The following ZBTB18 variants were observed in gnomAD, a reference collection of about 807,000 sequenced individuals.
ZBTB18 encodes zinc finger and BTB domain containing 18, also known as zinc finger and BTB domain-containing protein 18.
ZBTB18 carries 2 observed loss-of-function variants against 37.7 expected under a neutral mutation model. The observed-to-expected ratio is 0.05, with a 90% CI of 0.02 to 0.17. The LOEUF (loss-of-function observed/expected upper bound fraction) is 0.17. Ranked by LOEUF, ZBTB18 falls within the 10% of genes least tolerant of loss-of-function variation. ZBTB18 has a pLI of 1.00. For missense variants in ZBTB18, 408 were observed against 686.3 expected (o/e 0.59, Z 4.53); for synonymous variants, 304 against 276.5 (o/e 1.10, Z -0.99).
rs1020601273 is a variant in ZBTB18 at position 244,053,572 on chromosome 1, C to T, written c.14-216C>T. ...GGAAGATGGAGATGCGTCGGAAGCTCTTTGGCGGGGGTGAGGAAGTTCAGA... is the reference window on the plus strand; with the variant it reads ...GGAAGATGGAGATGCGTCGGAAGCTTTTTGGCGGGGGTGAGGAAGTTCAGA... On this transcript the variant is annotated intron_variant, in intron 1 of 1. Coordinates refer to ENST00000358704, the MANE Select transcript of ZBTB18 (RefSeq NM_205768.3). This position sits in a 1 kb window ranked among gnomAD's most constrained non-coding sequence, Gnocchi z 5.2. 5 of 257,890 alleles carry T rather than the reference C, an allele frequency of 1.9e-5. No homozygotes were observed. Among genetic ancestry groups the T allele is most frequent in the Non-Finnish European group, 3.0e-5 (5 of 164,934 alleles). The allele number at this position is 257,890 out of a possible 1,614,324, so 16.0% of individuals were successfully genotyped here.
At position 244,056,851 on chromosome 1, in the gene ZBTB18, A is replaced by G. The variant is rs2148559492; in HGVS notation, c.*1481A>G. 6.0e-6 allele frequency: 1 copy of G among 167,248 alleles called. No individual in the cohort carries two copies. The highest frequency in any genetic ancestry group is 2.4e-5 in the African/African-American group (1 of 41,574). 10.4% of individuals were successfully genotyped at this position (167,248 alleles called of 1,614,324 possible). On this transcript the variant is annotated 3_prime_UTR_variant, in exon 2 of 2. Transcript: ENST00000358704. Reference sequence around the variant, plus strand: ...AGCACGCAAGGCAAAAGCATTTTGCACAGTGTTTGTTTTCCTGTCTTGCAC... The same window carrying G: ...AGCACGCAAGGCAAAAGCATTTTGCGCAGTGTTTGTTTTCCTGTCTTGCAC...
In ZBTB18 at chr1:244,056,016, G is replaced by C. The variant is rs1312054290; in HGVS notation, c.*646G>C. ...GCTTGGGATGAAAAAGGATATTGCA[G>C]CTTCAGCAGTGTTGAACTGTGTGTT... On this transcript the variant is annotated 3_prime_UTR_variant, in exon 2 of 2. Coordinates refer to ENST00000358704, the MANE Select transcript of ZBTB18 (RefSeq NM_205768.3). 1 of 167,056 alleles carries C rather than the reference G, an allele frequency of 6.0e-6. No homozygotes were observed. The highest frequency in any genetic ancestry group is 1.5e-5 in the Non-Finnish European group (1 of 68,116). 10.3% of individuals were successfully genotyped at this position (167,056 alleles called of 1,614,324 possible). A position where few individuals can be genotyped will look rare whatever the true frequency, so the allele number is the denominator to read the frequency against.
chr1:244,057,181 A>G lies in ZBTB18; in HGVS notation c.*1811A>G, dbSNP rs1698491717. The G allele has an allele frequency of 1.2e-5, 2 of 167,090 alleles. No individual in the cohort carries two copies. The highest frequency in any genetic ancestry group is 2.9e-5 in the Non-Finnish European group (2 of 68,120). 10.4% of individuals were successfully genotyped at this position (167,090 alleles called of 1,614,324 possible). On this transcript the variant is annotated 3_prime_UTR_variant, in exon 2 of 2. Transcript: ENST00000358704. ...AGAGTTTCTAGTTTTTTTAAAATAC[A>G]GTTTATGTTAAAATAATTTTTATTA...
In ZBTB18 at chr1:244,053,930, T is replaced by C. The variant is rs1698401232; in HGVS notation, c.156T>C (p.Ala52=). Residue 52 remains alanine (A), a synonymous_variant, in exon 2 of 2, where the codon GCT becomes GCC. Coordinates refer to ENST00000358704, the MANE Select transcript of ZBTB18 (RefSeq NM_205768.3). This position sits in a 1 kb window ranked among gnomAD's most constrained non-coding sequence, Gnocchi z 5.2. ...AQFRAHRAVL[A]SCSMYFHLFY... is the part of the protein sequence containing the mutation. ...TCCGAGCGCACCGAGCTGTACTGGC[T>C]TCATGCAGCATGTATTTCCACCTCT... The C allele has an allele frequency of 1.2e-6, 2 of 1,614,194 alleles. No individual in the cohort carries two copies. The highest frequency in any genetic ancestry group is 4.5e-5 in the East Asian group (2 of 44,876).
At position 244,054,470 on chromosome 1, in the gene ZBTB18, C is replaced by G; in HGVS notation, c.696C>G (p.Ser232=). The G allele has an allele frequency of 6.2e-7, 1 of 1,614,172 alleles. No individual in the cohort carries two copies. Among genetic ancestry groups the G allele is most frequent in the Non-Finnish European group, 8.5e-7 (1 of 1,180,034 alleles). ...ASPCSSTESL[S]QRSVTSVRDS... ...CCTGCAGCTCAACAGAGTCTTTGTCCCAGAGGTCTGTCACCTCCGTGAGGG... is the reference window on the plus strand; with the variant it reads ...CCTGCAGCTCAACAGAGTCTTTGTCGCAGAGGTCTGTCACCTCCGTGAGGG... Residue 232 remains serine (S), a synonymous_variant, in exon 2 of 2, where the codon TCC becomes TCG. Coordinates refer to ENST00000358704, the MANE Select transcript of ZBTB18 (RefSeq NM_205768.3). The surrounding 1 kb of genome is among the most constrained non-coding windows in gnomAD (Gnocchi z 9.0).
upstream of ZBTB18, among the ~76,000 whole-genome samples, chr1:244,049,531 A>G (rs1698307005): frequency 1.3e-5 from 2 of 151,792 alleles, no homozygotes; most frequent in Non-Finnish European, 2.9e-5. Flanking sequence ...GCGTCGCGGC[A>G]TCGGGGAAGC....
chr1:244,053,671 A>G lies in ZBTB18; in HGVS notation c.14-117A>G. On this transcript the variant is annotated intron_variant, in intron 1 of 1. Transcript: ENST00000358704. The surrounding 1 kb of genome is among the most constrained non-coding windows in gnomAD (Gnocchi z 5.2). ...TGGTGCTTGGGTCATAAGCCTGATT[A>G]AAATTCAGGGACATGTACCACGGCG... 6.9e-7 allele frequency: 1 copy of G among 1,439,638 alleles called. No individual in the cohort carries two copies. Among genetic ancestry groups the G allele is most frequent in the Non-Finnish European group, 9.3e-7 (1 of 1,078,978 alleles). The allele number at this position is 1,439,638 out of a possible 1,614,324, so 89.2% of individuals were successfully genotyped here.
chr1:244,048,904 CCGG>C (rs1175131969), upstream of ZBTB18: 165 of 160,268 alleles, frequency 1.0e-3, no homozygotes, highest in Middle Eastern at 3.1e-3. Context: ...CCCACCAAGT[CCGG>C]CGGCGGCGGC....
upstream of ZBTB18, among the ~76,000 whole-genome samples, chr1:244,051,126 TCTC>T (rs749661973): frequency 1.9e-4 from 29 of 152,286 alleles, 1 homozygote; most frequent in Middle Eastern, 6.8e-3. Flanking sequence ...AGAGAAAAGT[TCTC>T]CTAAGAAAAA....
At chr1:244,050,344 G>GTTCTAAA (rs1698322193), upstream of ZBTB18, among the ~76,000 whole-genome samples, 1 of 151,890 alleles carries the variant, frequency 6.6e-6, no homozygotes, top group African/African-American at 2.4e-5. Flanking sequence ...TATTAGAAAA[G>GTTCTAAA]ACCCACAAAC....
At chr1:244,048,925 GGGAGGAGGAGGA>G (rs564376369), upstream of ZBTB18, 1 of 160,682 alleles carries the variant, frequency 6.2e-6, no homozygotes, top group Non-Finnish European at 1.3e-5. Flanking sequence ...GGCGGCGGCC[GGGAGGAGGAGGA>G]GGAGGAGGCG....
intron 1 of ZBTB18, 74 bp downstream of exon 1, chr1:244,051,518 T>G: frequency 6.4e-7 from 1 of 1,570,208 alleles, no homozygotes; most frequent in Non-Finnish European, 8.7e-7. Flanking sequence ...AAAAATCACA[T>G]TACTTTTCTA....
upstream of ZBTB18, among the ~76,000 whole-genome samples, chr1:244,049,875 C>T (rs1187447062): frequency 6.6e-6 from 1 of 151,708 alleles, no homozygotes; most frequent in Non-Finnish European, 1.5e-5. Flanking sequence ...TGGCCCATTG[C>T]GGTGCCCGGG....
rs552418471 is a variant in ZBTB18, at chr1:244,056,415, A to G, written c.*1045A>G. The G allele has an allele frequency of 1.9e-4, 31 of 167,242 alleles. No homozygotes were observed. Among genetic ancestry groups the G allele is most frequent in the South Asian group, 4.1e-4 (2 of 4,832 alleles). The allele number at this position is 167,242 out of a possible 1,614,324, so 10.4% of individuals were successfully genotyped here. A position where few individuals can be genotyped will look rare whatever the true frequency, so the allele number is the denominator to read the frequency against. ...AGCTGCAAATTGATAACTTCGCTAC[A>G]TAACAAGGAAAATATAAATGTTTAC... On this transcript the variant is annotated 3_prime_UTR_variant, in exon 2 of 2. Coordinates refer to ENST00000358704, the MANE Select transcript of ZBTB18 (RefSeq NM_205768.3).
rs372174735 is a variant in ZBTB18, at chr1:244,053,736, G to A, written c.14-52G>A. Reference sequence around the variant, plus strand: ...AATTTTTTTATATGGGGACTGGAGCGCTGAAAAGTTGTTCCTGACCAGGCT... The same window carrying A: ...AATTTTTTTATATGGGGACTGGAGCACTGAAAAGTTGTTCCTGACCAGGCT... On this transcript the variant is annotated intron_variant, in intron 1 of 1. Transcript: ENST00000358704. This position sits in a 1 kb window ranked among gnomAD's most constrained non-coding sequence, Gnocchi z 5.2. 320 of 1,553,476 alleles carry A rather than the reference G, an allele frequency of 2.1e-4. 1 individual carries two copies. The highest frequency in any genetic ancestry group is 5.3e-4 in the Middle Eastern group (3 of 5,690).
chr1:244,055,566 G>C lies in ZBTB18; in HGVS notation c.*196G>C, dbSNP rs1442022911. Reference sequence around the variant, plus strand: ...ATAAAAGAAACTTTAGAGCAAGTCAGAATAGAGAGGTGTTTTTCCTTTGAG... The same window carrying C: ...ATAAAAGAAACTTTAGAGCAAGTCACAATAGAGAGGTGTTTTTCCTTTGAG... On this transcript the variant is annotated 3_prime_UTR_variant, in exon 2 of 2. Coordinates refer to ENST00000358704, the MANE Select transcript of ZBTB18 (RefSeq NM_205768.3). The surrounding 1 kb of genome is among the most constrained non-coding windows in gnomAD (Gnocchi z 7.0). 5.7e-6 allele frequency: 1 copy of C among 175,470 alleles called. No homozygotes were observed. Among genetic ancestry groups the C allele is most frequent in the Non-Finnish European group, 1.3e-5 (1 of 74,870 alleles). 10.9% of individuals were successfully genotyped at this position (175,470 alleles called of 1,614,324 possible).
rs1206734319 is a variant in ZBTB18 at position 244,057,274 on chromosome 1, T to C, written c.*1904T>C. On this transcript the variant is annotated 3_prime_UTR_variant, in exon 2 of 2. Transcript: ENST00000358704. ...TTTTGGATTTTCTTTTTGTGGTCAT[T>C]GTGAGTGATTGCTTTTTCCTTTTCT... The C allele has an allele frequency of 6.0e-6, 1 of 167,090 alleles. No individual in the cohort carries two copies. The highest frequency in any genetic ancestry group is 1.5e-5 in the Non-Finnish European group (1 of 68,126). 10.4% of individuals were successfully genotyped at this position (167,090 alleles called of 1,614,324 possible).
At chr1:244,052,728 T>C (rs1475437542) in intron 1 of ZBTB18, among the ~76,000 whole-genome samples, 1 of 151,824 alleles carries the variant, frequency 6.6e-6, no homozygotes, top group African/African-American at 2.4e-5. Flanking sequence ...AACAGAAATA[T>C]ATCAAATTAT....
chr1:244,056,048 T>C lies in ZBTB18; in HGVS notation c.*678T>C, dbSNP rs1459059105. 6.0e-6 allele frequency: 1 copy of C among 167,078 alleles called. No individual in the cohort carries two copies. The highest frequency in any genetic ancestry group is 2.4e-5 in the African/African-American group (1 of 41,452). The allele number at this position is 167,078 out of a possible 1,614,324, so 10.3% of individuals were successfully genotyped here. A position where few individuals can be genotyped will look rare whatever the true frequency, so the allele number is the denominator to read the frequency against. ...CAGTGTTGAACTGTGTGTTTAAAAA[T>C]GTGAATTACTGTTATTGTATACTGT... On this transcript the variant is annotated 3_prime_UTR_variant, in exon 2 of 2. Transcript: ENST00000358704.
Sources: gnomAD v4.1 joint callset for allele counts (sites outside exome capture counted in the v4.1 genomes callset) on GRCh38, gnomAD v4.1.1 for gene constraint, Gnocchi (gnomAD v3.1) non-coding constraint, MANE v1.5 for transcripts, NCBI Gene and HGNC (gene_info 2026-07-23, HGNC 2026-07-21) for gene names.